ERICH3: variants seen among roughly 807,000 people sequenced by gnomAD.
ERICH3 encodes glutamate rich 3, also known as glutamate-rich protein 3.
Under a neutral mutation model 131.1 loss-of-function variants are expected in ERICH3, and 126 were observed. That is an observed-to-expected ratio of 0.96 (90% CI 0.83 to 1.11). The LOEUF is 1.11. Ranked by LOEUF, ERICH3 falls within the 50% of genes most tolerant of loss-of-function variation. The pLI, the probability that ERICH3 is intolerant of heterozygous loss-of-function variation, is 0.00. For synonymous variants in ERICH3, 695 were observed against 644.6 expected (o/e 1.08, Z -1.18); for missense variants, 2,050 against 1,810.7 (o/e 1.13, Z -2.40).
intron 1 of ERICH3, among the ~76,000 whole-genome samples, chr1:74,657,477 T>C (rs1646596488): frequency 6.6e-6 from 1 of 152,186 alleles, no homozygotes; most frequent in East Asian, 1.9e-4. Context: ...TAAACTGATA[T>C]CATATAAATG....
intron 1 of ERICH3, among the ~76,000 whole-genome samples, chr1:74,653,308 C>T (rs570907885): frequency 6.6e-6 from 1 of 152,178 alleles, no homozygotes; most frequent in Admixed American, 6.5e-5. Context: ...GGCACAGACA[C>T]TGCACTCATG....
intron 1 of ERICH3, among the ~76,000 whole-genome samples, chr1:74,661,454 A>G (rs1557704493): frequency 6.6e-6 from 1 of 152,178 alleles, no homozygotes; most frequent in African/African-American, 2.4e-5. Context: ...GGGGTCATGA[A>G]TTGGTAGGTC....
chr1:74,574,977 C>G (rs1028430463), intron 13 of ERICH3, among the ~76,000 whole-genome samples: 2 of 150,958 alleles, frequency 1.3e-5, no homozygotes, highest in African/African-American at 2.5e-5. Context: ...ACCAAGATGT[C>G]AAACTCTAAC....
At chr1:74,637,886 G>C (rs926408504) in intron 5 of ERICH3, among the ~76,000 whole-genome samples, 1 of 151,676 alleles carries the variant, frequency 6.6e-6, no homozygotes, top group Non-Finnish European at 1.5e-5. Context: ...ACTTCAGCCT[G>C]GGCCACAGAG....
At chr1:74,631,616 C>A in intron 7 of ERICH3, 97 bp downstream of exon 7, 1 of 992,768 alleles carries the variant, frequency 1.0e-6, no homozygotes, top group African/African-American at 1.6e-5. Flanking sequence ...GTTTTGCATG[C>A]AATTTCCTCC....
In ERICH3 at chr1:74,656,766, G is replaced by A. The variant is rs372475739; in HGVS notation, c.24-7451C>T. On this transcript the variant is annotated intron_variant, in intron 1 of 14. Transcript: ENST00000326665. ...AGCTGAGGTTCTAAAAGTAGGGAGG[G>A]TTCATCAATAAATCAATAAAGAACA... Among the ~76,000 whole-genome samples the A allele has an allele frequency of 7.2e-5, 11 of 152,278 alleles. No individual in the cohort carries two copies. The South Asian group carries it at 1.2e-3, about 17-fold the overall frequency.
chr1:74,616,381 A>G (rs924669782), intron 8 of ERICH3, among the ~76,000 whole-genome samples: 1 of 152,114 alleles, frequency 6.6e-6, no homozygotes, highest in Non-Finnish European at 1.5e-5. Flanking sequence ...TTTAAAAGGA[A>G]CATAGAAGCA....
chr1:74,615,666 GA>G (rs1332597951), intron 8 of ERICH3, among the ~76,000 whole-genome samples: 1 of 152,086 alleles, frequency 6.6e-6, no homozygotes, highest in Non-Finnish European at 1.5e-5. Flanking sequence ...CTCTGGAGAA[GA>G]ATTAAAGGCT....
At chr1:74,587,154 T>C (rs1647369057) in intron 12 of ERICH3, among the ~76,000 whole-genome samples, 1 of 151,586 alleles carries the variant, frequency 6.6e-6, no homozygotes, top group Non-Finnish European at 1.5e-5. Context: ...TGAAACCCCG[T>C]CTTTACTAAA....
intron 11 of ERICH3, 111 bp downstream of exon 11, chr1:74,599,583 AC>A: frequency 1.1e-6 from 1 of 939,138 alleles, no homozygotes; most frequent in Non-Finnish European, 1.6e-6. Context: ...AAGTTAGAAA[AC>A]ATACATTCAA....
At chr1:74,592,214 C>T (rs1323230389) in intron 11 of ERICH3, 1 of 152,136 alleles carries the variant, frequency 6.6e-6, no homozygotes, top group Non-Finnish European at 1.5e-5. Flanking sequence ...CACCAGATGA[C>T]CACTATTTTT....
At position 74,673,680 on chromosome 1, in the gene ERICH3, C is replaced by T. The variant is rs761348730; in HGVS notation, c.-161G>A. The T allele has an allele frequency of 7.0e-6, 4 of 575,150 alleles. No homozygotes were observed. Among genetic ancestry groups the T allele is most frequent in the South Asian group, 4.6e-5 (1 of 21,952 alleles). 35.6% of individuals were successfully genotyped at this position (575,150 alleles called of 1,614,324 possible). ...TGGGCCGCCGCCGCCCCTGGGCGCCCGGGCTACCCGCAGCCTCCCGGGCTC... is the reference window on the plus strand; with the variant it reads ...TGGGCCGCCGCCGCCCCTGGGCGCCTGGGCTACCCGCAGCCTCCCGGGCTC... On this transcript the variant is annotated 5_prime_UTR_variant, in exon 1 of 15. Transcript: ENST00000326665.
intron 9 of ERICH3, among the ~76,000 whole-genome samples, chr1:74,608,959 G>A (rs979047941): frequency 6.6e-6 from 1 of 151,998 alleles, no homozygotes. Context: ...CCTACTGCAT[G>A]CACAGACTTT....
At chr1:74,612,535 T>C in intron 9 of ERICH3, 88 bp downstream of exon 9, 1 of 1,215,812 alleles carries the variant, frequency 8.2e-7, no homozygotes, top group Non-Finnish European at 1.1e-6. Flanking sequence ...ATTTCCTTAA[T>C]AATTGTGAAG....
chr1:74,616,080 C>T (rs1487026475), intron 8 of ERICH3, among the ~76,000 whole-genome samples: 1 of 152,154 alleles, frequency 6.6e-6, no homozygotes, highest in Non-Finnish European at 1.5e-5. Flanking sequence ...CGGCTCACTG[C>T]AACCTCTGCC....
rs765487001 is a variant in ERICH3 at position 74,572,703 on chromosome 1, C to T, written c.3007G>A (p.Ala1003Thr). The change falls in exon 14 of 15, where the codon GCA (alanine) becomes ACA (threonine). Residue 1003 changes from alanine (A) to threonine (T), a missense_variant. Coordinates refer to ENST00000326665, the MANE Select transcript of ERICH3 (RefSeq NM_001002912.5). ...RLSPFTGEAEASRMQVSEGSP... is the reference protein window; with the variant it reads ...RLSPFTGEAETSRMQVSEGSP... Reference sequence around the variant, plus strand: ...CCCTCCGAAACCTGCATCCGGCTTGCCTCTGCCTCTCCTGTGAAGGGGCTC... The same window carrying T: ...CCCTCCGAAACCTGCATCCGGCTTGTCTCTGCCTCTCCTGTGAAGGGGCTC... 3 of 1,613,874 alleles carry T rather than the reference C, an allele frequency of 1.9e-6. No individual in the cohort carries two copies. Among genetic ancestry groups the T allele is most frequent in the Admixed American group, 3.3e-5 (2 of 59,984 alleles).
intron 12 of ERICH3, among the ~76,000 whole-genome samples, chr1:74,580,357 G>A (rs1647155964): frequency 6.6e-6 from 1 of 151,998 alleles, no homozygotes; most frequent in Non-Finnish European, 1.5e-5. Context: ...TAAATATTGA[G>A]CTATTTCAAT....
At position 74,599,870 on chromosome 1, in the gene ERICH3, T is replaced by C. The variant is rs748955344; in HGVS notation, c.1551A>G (p.Gly517=). 1.2e-6 allele frequency: 2 copies of C among 1,612,086 alleles called. No homozygotes were observed. ...EKQGEKSNEE[G]QADVQMNGIP... ...TTCCATTCATTTGAACATCAGCCTG[T>C]CCTTCTTCATTAGATTTTTCACCTT... is the stretch of plus-strand genomic sequence containing the variant. Residue 517 remains glycine (G), a synonymous_variant, in exon 11 of 15, where the codon GGA becomes GGG. Coordinates refer to ENST00000326665, the MANE Select transcript of ERICH3 (RefSeq NM_001002912.5).
chr1:74,663,321 C>T (rs1216931784), intron 1 of ERICH3, among the ~76,000 whole-genome samples: 1 of 152,060 alleles, frequency 6.6e-6, no homozygotes, highest in Non-Finnish European at 1.5e-5. Flanking sequence ...AGAGAAATTA[C>T]AAAATTTGCT....
Sources: allele counts gnomAD v4.1 joint callset (sites outside exome capture counted in the v4.1 genomes callset), GRCh38; gene constraint gnomAD v4.1.1; transcripts MANE v1.5; gene names NCBI Gene and HGNC (gene_info 2026-07-23, HGNC 2026-07-21).